PAM: variants seen among roughly 807,000 people sequenced by gnomAD.
The protein encoded by PAM is peptidyl-glycine alpha-amidating monooxygenase.
Under a neutral mutation model 122.1 loss-of-function variants are expected in PAM, and 72 were observed. The ratio of observed to expected loss-of-function variants is 0.59; its 90% CI spans 0.49 to 0.72. The LOEUF (loss-of-function observed/expected upper bound fraction) is 0.72. Among genes scored for constraint, PAM ranks in the 30% least tolerant of loss-of-function variants. The pLI is 0.00. For missense variants in PAM, 1,106 were observed against 1,183.7 expected (o/e 0.93, Z 0.96); for synonymous variants, 389 against 404.4 (o/e 0.96, Z 0.46).
downstream of PAM, chr5:103,030,710 G>T: frequency 6.6e-6 from 1 of 152,234 alleles, no homozygotes; most frequent in East Asian, 1.9e-4. Flanking sequence ...ATGTCCCAGA[G>T]GAGTGAATCC....
intron 12 of PAM, among the ~76,000 whole-genome samples, chr5:102,953,389 G>T (rs1391377803): frequency 6.6e-6 from 1 of 152,148 alleles, no homozygotes; most frequent in Admixed American, 6.6e-5. Flanking sequence ...AAGGAGGGGG[G>T]GGAATCCTGT....
In PAM at chr5:102,974,353, C is replaced by T; in HGVS notation, c.1400C>T (p.Thr467Ile). Residue 467 changes from threonine to isoleucine, a missense_variant, in exon 15 of 26, where the codon ACC (threonine) becomes ATC (isoleucine). Physicochemically the swap from Thr to Ile is moderately conservative, Grantham distance 89. Coordinates refer to ENST00000438793, the MANE Select transcript of PAM (RefSeq NM_001177306.2). ...CACAAATTCCACAGACTAGTATCTA[C>T]CTTGAGGCCACCAGAGAGCAGAGTT... is the stretch of plus-strand genomic sequence containing the variant. Reference protein sequence around the residue: ...RIHKFHRLVSTLRPPESRVFS... With the variant: ...RIHKFHRLVSILRPPESRVFS... 6.2e-7 allele frequency: 1 copy of T among 1,613,956 alleles called. No individual in the cohort carries two copies. The highest frequency in any genetic ancestry group is 8.5e-7 in the Non-Finnish European group (1 of 1,179,872).
intron 12 of PAM, among the ~76,000 whole-genome samples, chr5:102,959,037 T>C (rs1761693496): frequency 6.6e-6 from 1 of 151,944 alleles, no homozygotes; most frequent in African/African-American, 2.4e-5. Flanking sequence ...GAATGAAATA[T>C]ATAATAACCC....
At chr5:102,782,389 G>A (rs973597472) in intron 1 of PAM, among the ~76,000 whole-genome samples, 4 of 152,148 alleles carry the variant, frequency 2.6e-5, no homozygotes, top group Non-Finnish European at 2.9e-5. Context: ...CCAGAGGAAG[G>A]AGAGAAGATT....
At chr5:102,917,153 C>T in intron 5 of PAM, among the ~76,000 whole-genome samples, 1 of 152,152 alleles carries the variant, frequency 6.6e-6, no homozygotes, top group East Asian at 1.9e-4. Context: ...CTTTCAGTTG[C>T]TTCACAGAAA....
At chr5:102,884,766 TCTC>T (rs536302496) in intron 3 of PAM, among the ~76,000 whole-genome samples, 94 of 151,984 alleles carry the variant, frequency 6.2e-4, no homozygotes, top group Non-Finnish European at 1.2e-3. Flanking sequence ...GATAATGTCT[TCTC>T]CTTAATCATG....
intron 16 of PAM, among the ~76,000 whole-genome samples, chr5:102,999,743 G>A (rs1306199996): frequency 6.6e-6 from 1 of 152,212 alleles, no homozygotes; most frequent in African/African-American, 2.4e-5. Flanking sequence ...ACCCTCTGAA[G>A]CCAAGGCCCA....
In PAM at chr5:102,907,650, T is replaced by G. The variant is rs1317711093; in HGVS notation, c.268+6237T>G. 9.9e-5 allele frequency among the ~76,000 whole-genome samples: 15 copies of G among 151,338 alleles called. No individual in the cohort carries two copies. In the East Asian group the frequency reaches 2.3e-3, roughly 24 times the overall value. ...CAGCACCTGTTGTTTCCTGACTTTTTAATGATTGCCATTCTAACTGGTGTG... is the reference window on the plus strand; with the variant it reads ...CAGCACCTGTTGTTTCCTGACTTTTGAATGATTGCCATTCTAACTGGTGTG... On this transcript the variant is annotated intron_variant, in intron 4 of 25. Coordinates refer to ENST00000438793, the MANE Select transcript of PAM (RefSeq NM_001177306.2).
At chr5:102,895,224 C>A (rs1201267801) in intron 3 of PAM, among the ~76,000 whole-genome samples, 1 of 151,722 alleles carries the variant, frequency 6.6e-6, no homozygotes, top group African/African-American at 2.4e-5. Context: ...CATTGCCAAC[C>A]CCCCTTGACC....
chr5:102,965,888 G>T (rs917157308), intron 14 of PAM, among the ~76,000 whole-genome samples: 6 of 152,004 alleles, frequency 3.9e-5, no homozygotes, highest in Admixed American at 3.9e-4. Flanking sequence ...AAGGGAACAA[G>T]GTTGCCAGTT....
chr5:102,813,068 C>T (rs1282604010), intron 1 of PAM, among the ~76,000 whole-genome samples: 1 of 150,372 alleles, frequency 6.7e-6, no homozygotes, highest in Non-Finnish European at 1.5e-5. Flanking sequence ...ATCTATTTTG[C>T]TTATTTGAAA....
chr5:102,961,392 TTA>T (rs1762456023), intron 14 of PAM, among the ~76,000 whole-genome samples, 163 bp downstream of exon 14: 1 of 151,896 alleles, frequency 6.6e-6, no homozygotes, highest in African/African-American at 2.4e-5. Flanking sequence ...AAATGGTCAA[TTA>T]TTGCACTTTA....
intron 15 of PAM, among the ~76,000 whole-genome samples, chr5:102,986,933 T>A (rs906067585): frequency 1.8e-4 from 27 of 152,204 alleles, no homozygotes; most frequent in African/African-American, 6.5e-4. Flanking sequence ...TGTGGAACTG[T>A]AAGTCCATTA....
chr5:102,923,176 T>G (rs1340748266), intron 5 of PAM, among the ~76,000 whole-genome samples: 1 of 152,222 alleles, frequency 6.6e-6, no homozygotes, highest in African/African-American at 2.4e-5. Context: ...TTCAGACAGA[T>G]AATACAGTTG....
intron 1 of PAM, among the ~76,000 whole-genome samples, chr5:102,862,428 C>A (rs1252024668): frequency 6.6e-6 from 1 of 152,070 alleles, no homozygotes; most frequent in Non-Finnish European, 1.5e-5. Flanking sequence ...AAGAATTAAT[C>A]CTCAGAAGTC....
At chr5:102,992,771 A>C (rs1774518062) in intron 16 of PAM, among the ~76,000 whole-genome samples, 1 of 152,072 alleles carries the variant, frequency 6.6e-6, no homozygotes, top group Non-Finnish European at 1.5e-5. Context: ...ATCCTGTATT[A>C]ATTTTCCTTG....
chr5:102,987,487 TAAC>T (rs1339752765), intron 15 of PAM: 2 of 449,012 alleles, frequency 4.5e-6, no homozygotes, highest in South Asian at 1.6e-5. Context: ...TAAATATAGT[TAAC>T]AACAATATAT....
intron 1 of PAM, among the ~76,000 whole-genome samples, chr5:102,800,234 T>C (rs376877700): frequency 1.3e-5 from 2 of 152,136 alleles, no homozygotes; most frequent in East Asian, 3.8e-4. Context: ...TCATGTTCCT[T>C]CCCCTTATTC....
At chr5:102,897,037 A>G (rs1407778756) in intron 3 of PAM, among the ~76,000 whole-genome samples, 2 of 151,618 alleles carry the variant, frequency 1.3e-5, no homozygotes, top group Admixed American at 6.6e-5. Flanking sequence ...ATCACATAAA[A>G]TAAAACTTTG....
Sources: gnomAD v4.1 joint callset for allele counts (sites outside exome capture counted in the v4.1 genomes callset) on GRCh38, gnomAD v4.1.1 for gene constraint, MANE v1.5 for transcripts, NCBI Gene and HGNC (gene_info 2026-07-23, HGNC 2026-07-21) for gene names.